Variants in ATP2C1 observed in about 807,000 individuals in gnomAD.
ATP2C1 encodes ATPase secretory pathway Ca2+ transporting 1, also known as calcium-transporting ATPase type 2C member 1.
Under a neutral mutation model 120.5 loss-of-function variants are expected in ATP2C1, and 31 were observed. That is an observed-to-expected ratio of 0.26 (90% CI 0.19 to 0.35). The LOEUF (loss-of-function observed/expected upper bound fraction) is 0.35, where lower values mean the gene tolerates loss of function less well. ATP2C1 is among the 10% of genes least tolerant of loss of function. The pLI, the probability that ATP2C1 is intolerant of heterozygous loss-of-function variation, is 1.00. For synonymous variants in ATP2C1, 351 were observed against 358.7 expected (o/e 0.98, Z 0.24); for missense variants, 731 against 1,107.5 (o/e 0.66, Z 4.83).
intron 1 of ATP2C1, among the ~76,000 whole-genome samples, chr3:130,861,408 G>C (rs1003673709): frequency 1.3e-5 from 2 of 152,172 alleles, no homozygotes; most frequent in African/African-American, 4.8e-5. Context: ...AATTTATTCA[G>C]AGTCAGAAGG....
At chr3:130,952,769 T>TG (rs1204335819) in intron 8 of ATP2C1, among the ~76,000 whole-genome samples, 2 of 152,184 alleles carry the variant, frequency 1.3e-5, no homozygotes, top group Non-Finnish European at 2.9e-5. Flanking sequence ...CTTGAATAAA[T>TG]GCTTCTGGAA....
chr3:130,961,250 GTT>G (rs11293218), intron 12 of ATP2C1, among the ~76,000 whole-genome samples: 47,501 of 146,308 alleles, frequency 0.32, 7,650 homozygotes, highest in East Asian at 0.51. Context: ...GAGGATTTGG[GTT>G]TTTTTTTTTT....
intron 1 of ATP2C1, among the ~76,000 whole-genome samples, chr3:130,857,149 C>A (rs763686013): frequency 2.0e-5 from 3 of 152,126 alleles, no homozygotes; most frequent in Admixed American, 6.5e-5. Context: ...TAATGACAAC[C>A]TTTTCCTCTA....
At chr3:130,927,106 G>T (rs1024283228) in intron 2 of ATP2C1, among the ~76,000 whole-genome samples, 1 of 152,104 alleles carries the variant, frequency 6.6e-6, no homozygotes, top group Non-Finnish European at 1.5e-5. Flanking sequence ...TCCTCAAAAT[G>T]AATATGGAAA....
At chr3:130,977,269 C>A (rs1416880623) in intron 18 of ATP2C1, among the ~76,000 whole-genome samples, 1 of 152,040 alleles carries the variant, frequency 6.6e-6, no homozygotes, top group Non-Finnish European at 1.5e-5. Flanking sequence ...GGGGCTTTGA[C>A]CCTTTCTTTT....
At chr3:130,929,889 A>T (rs961455484) in intron 2 of ATP2C1, 1 of 200,626 alleles carries the variant, frequency 5.0e-6, no homozygotes, top group Non-Finnish European at 1.0e-5. Flanking sequence ...GGTCTCTTTT[A>T]CTTCTTGTTT....
intron 7 of ATP2C1, among the ~76,000 whole-genome samples, chr3:130,941,015 C>T (rs1434616964): frequency 1.8e-5 from 2 of 110,600 alleles, no homozygotes; most frequent in Non-Finnish European, 4.6e-5. Context: ...GCCGGGTTCA[C>T]GCCATTTTCT....
In ATP2C1 at chr3:130,894,640, C is replaced by A; in HGVS notation, c.-130C>A. On this transcript the variant is annotated 5_prime_UTR_variant, in exon 2 of 28. Transcript: ENST00000510168. This position sits in a 1 kb window ranked among gnomAD's most constrained non-coding sequence, Gnocchi z 4.5. ...CAGCCGTGGGACGCGTGGCCGGGAGCGGGGGTGACAGCCTGGGATTCCGGG... is the reference window on the plus strand; with the variant it reads ...CAGCCGTGGGACGCGTGGCCGGGAGAGGGGGTGACAGCCTGGGATTCCGGG... 1.2e-6 allele frequency: 2 copies of A among 1,602,278 alleles called. No individual in the cohort carries two copies. Among genetic ancestry groups the A allele is most frequent in the South Asian group, 1.1e-5 (1 of 90,234 alleles).
chr3:130,906,185 C>T (rs1203058095), intron 2 of ATP2C1, among the ~76,000 whole-genome samples: 3 of 151,952 alleles, frequency 2.0e-5, no homozygotes, highest in Admixed American at 6.6e-5. Context: ...AATTCTAGAA[C>T]ATTTTTATCA....
At chr3:130,891,409 C>T (rs2069163765), upstream of ATP2C1, among the ~76,000 whole-genome samples, 1 of 152,244 alleles carries the variant, frequency 6.6e-6, no homozygotes, top group South Asian at 2.1e-4. Context: ...CATTCTTCTT[C>T]AATCTTTCCC....
chr3:130,951,028 T>A (rs1227093972), intron 8 of ATP2C1, among the ~76,000 whole-genome samples: 2 of 152,302 alleles, frequency 1.3e-5, no homozygotes, highest in Admixed American at 6.5e-5. Flanking sequence ...TATTTTTAAA[T>A]ATTAGTGGGT....
At chr3:130,996,296 T>C in intron 23 of ATP2C1, 185 bp downstream of exon 23, 1 of 618,504 alleles carries the variant, frequency 1.6e-6, no homozygotes, top group African/African-American at 1.8e-5. Context: ...AGGTTGTAAA[T>C]GTAACAGTTA....
At chr3:130,850,619 C>G (rs2067646232) in exon 1 of ATP2C1, 1 of 393,726 alleles carries the variant, frequency 2.5e-6, no homozygotes, top group South Asian at 6.2e-5. Context: ...CGCTTCTAGA[C>G]AGTGTTCATA....
rs1577094530 is a variant in ATP2C1, at chr3:131,015,369, A to G, written c.2630-783A>G. Reference sequence around the variant, plus strand: ...TTTTATCTTCATCTCTCCCTCAAGTACCTCCTGGATGGTCAATTACCAAGA... The same window carrying G: ...TTTTATCTTCATCTCTCCCTCAAGTGCCTCCTGGATGGTCAATTACCAAGA... On this transcript the variant is annotated intron_variant, in intron 26 of 26. Transcript: ENST00000328560. 4.9e-6 allele frequency: 3 copies of G among 606,624 alleles called. No homozygotes were observed. In the East Asian group the frequency reaches 8.5e-5, roughly 17 times the overall value. The allele number at this position is 606,624 out of a possible 1,614,324, so 37.6% of individuals were successfully genotyped here.
intron 17 of ATP2C1, among the ~76,000 whole-genome samples, chr3:130,972,375 T>C (rs2061354809): frequency 6.6e-6 from 1 of 152,152 alleles, no homozygotes; most frequent in Admixed American, 6.5e-5. Flanking sequence ...ACTTACCTAC[T>C]CCTGGACTTC....
chr3:130,933,264 T>C (rs2059528502), intron 4 of ATP2C1, among the ~76,000 whole-genome samples: 1 of 104,916 alleles, frequency 9.5e-6, no homozygotes, highest in Non-Finnish European at 2.3e-5. Context: ...AAGCACTGGG[T>C]GATTCTTTAT....
chr3:131,004,909 T>G (rs1395593331), downstream of ATP2C1, among the ~76,000 whole-genome samples: 1 of 152,188 alleles, frequency 6.6e-6, no homozygotes, highest in Non-Finnish European at 1.5e-5. Context: ...ATTTGATTTG[T>G]CTGATAGCAT....
In ATP2C1 at chr3:130,934,673, T is replaced by G; in HGVS notation, c.286T>G (p.Leu96Val). ...LLLASAVISV[L>V]MHQFDDAVSI... Reference sequence around the variant, plus strand: ...TCTGGCTTCTGCAGTCATCAGTGTTTTAATGCATCAGTTTGATGATGCCGT... The same window carrying G: ...TCTGGCTTCTGCAGTCATCAGTGTTGTAATGCATCAGTTTGATGATGCCGT... The change falls in exon 5 of 28, where the codon TTA becomes GTA. Residue 96 changes from leucine to valine, a missense_variant. Physicochemically the swap from Leu to Val is conservative, Grantham distance 32 (BLOSUM62 1). Coordinates refer to ENST00000510168, the MANE Select transcript of ATP2C1 (RefSeq NM_001378687.1). 1 of 1,613,576 alleles carries G rather than the reference T, an allele frequency of 6.2e-7. No individual in the cohort carries two copies. Among genetic ancestry groups the G allele is most frequent in the Non-Finnish European group, 8.5e-7 (1 of 1,179,542 alleles).
rs566720670 is a variant in ATP2C1 at position 130,938,907 on chromosome 3, T to A, written c.360+1444T>A. On this transcript the variant is annotated intron_variant, in intron 6 of 27. Coordinates refer to ENST00000510168, the MANE Select transcript of ATP2C1 (RefSeq NM_001378687.1). ...ATGTTTTCAAAAAACACCACAAAAT[T>A]GTGATTTTAACATAAGTCAATATGG... Among the ~76,000 whole-genome samples, 17 of 152,318 alleles carry A rather than the reference T, an allele frequency of 1.1e-4. No individual in the cohort carries two copies. The East Asian group carries it at 3.3e-3, about 29-fold the overall frequency.
Sources: gnomAD v4.1 joint callset for allele counts (sites outside exome capture counted in the v4.1 genomes callset) on GRCh38, gnomAD v4.1.1 for gene constraint, Gnocchi (gnomAD v3.1) non-coding constraint, MANE v1.5 for transcripts, NCBI Gene and HGNC (gene_info 2026-07-23, HGNC 2026-07-21) for gene names.